Variants in GSE1 observed in about 807,000 individuals in gnomAD.
GSE1 encodes Gse1 coiled-coil protein.
GSE1 carries 32 observed loss-of-function variants against 112.6 expected under a neutral mutation model. The ratio of observed to expected loss-of-function variants is 0.28; its 90% CI spans 0.21 to 0.38. The LOEUF (loss-of-function observed/expected upper bound fraction) is 0.38. Among genes scored for constraint, GSE1 ranks in the 10% least tolerant of loss-of-function variants. The pLI, the probability that GSE1 is intolerant of heterozygous loss-of-function variation, is 1.00. For synonymous variants in GSE1, 1,115 were observed against 735.6 expected, an observed-to-expected ratio of 1.52 and a Z score of -8.35; for missense variants, 2,348 against 1,699.2, an observed-to-expected ratio of 1.38 and a Z score of -6.71.
At chr16:85,339,371 C>A (rs1258006977) in intron 1 of GSE1, among the ~76,000 whole-genome samples, 1 of 152,160 alleles carries the variant, frequency 6.6e-6, no homozygotes, top group Non-Finnish European at 1.5e-5. Context: ...GCCGTGATTT[C>A]TCCGGACAAA....
intron 2 of GSE1, among the ~76,000 whole-genome samples, chr16:85,462,660 C>CGGGGAGCGCGGGCG (rs2050000838): frequency 1.7e-5 from 1 of 59,472 alleles, no homozygotes; most frequent in Non-Finnish European, 3.2e-5. Flanking sequence ...GGAGGCTGCC[C>CGGGGAGCGCGGGCG]GGGGAGCGCG....
At chr16:85,445,662 A>C (rs1031639015) in intron 2 of GSE1, among the ~76,000 whole-genome samples, 4 of 152,156 alleles carry the variant, frequency 2.6e-5, no homozygotes, top group Non-Finnish European at 5.9e-5. Context: ...TGTTAACGAC[A>C]GATTTCTGCT....
At chr16:85,464,526 C>A (rs1234813938) in intron 2 of GSE1, among the ~76,000 whole-genome samples, 1 of 152,238 alleles carries the variant, frequency 6.6e-6, no homozygotes, top group African/African-American at 2.4e-5. Context: ...GACGGCCTCA[C>A]CAGCTGTGTG....
intron 1 of GSE1, among the ~76,000 whole-genome samples, chr16:85,348,530 C>T (rs926818344): frequency 7.9e-5 from 12 of 152,202 alleles, no homozygotes; most frequent in African/African-American, 2.9e-4. Context: ...TCCACTTGAT[C>T]TTGGCCACTG....
intron 1 of GSE1, among the ~76,000 whole-genome samples, chr16:85,232,238 C>A (rs937229689): frequency 6.6e-6 from 1 of 152,228 alleles, no homozygotes. Context: ...CAAAGAACAT[C>A]CAAAGAGAAG....
At chr16:85,478,571 G>A (rs2050536025) in intron 2 of GSE1, among the ~76,000 whole-genome samples, 3 of 151,460 alleles carry the variant, frequency 2.0e-5, no homozygotes, top group South Asian at 4.2e-4. Context: ...ACAGACCAGT[G>A]TGTCCATTCT....
At chr16:85,302,044 C>T (rs2966864) in intron 1 of GSE1, among the ~76,000 whole-genome samples, 1 of 152,126 alleles carries the variant, frequency 6.6e-6, no homozygotes, top group South Asian at 2.1e-4. Flanking sequence ...ACCTCCCTCC[C>T]CGGCTGAGCT....
chr16:85,289,302 C>T (rs927795069), intron 1 of GSE1, among the ~76,000 whole-genome samples: 5 of 152,220 alleles, frequency 3.3e-5, no homozygotes, highest in South Asian at 2.1e-4. Context: ...TTCCCAGGCC[C>T]GAGAGGCTGG....
chr16:85,219,514 T>C (rs1262242290), intron 1 of GSE1, among the ~76,000 whole-genome samples: 1 of 152,130 alleles, frequency 6.6e-6, no homozygotes, highest in South Asian at 2.1e-4. Flanking sequence ...CCAGCTGTCT[T>C]GGACCACCTT....
At chr16:85,359,190 G>C (rs2047013523) in intron 2 of GSE1, among the ~76,000 whole-genome samples, 1 of 152,222 alleles carries the variant, frequency 6.6e-6, no homozygotes, top group African/African-American at 2.4e-5. Context: ...GGGAGGCTCA[G>C]GCAGAGGAGG....
intron 2 of GSE1, among the ~76,000 whole-genome samples, chr16:85,437,601 C>T (rs962987413): frequency 2.6e-5 from 4 of 152,062 alleles, no homozygotes; most frequent in Admixed American, 6.6e-5. Context: ...GGATTGGGAT[C>T]GGAGACCAGG....
intron 1 of GSE1, among the ~76,000 whole-genome samples, chr16:85,621,957 T>G (rs2048769627): frequency 6.6e-6 from 1 of 152,110 alleles, no homozygotes; most frequent in South Asian, 2.1e-4. Flanking sequence ...TTGTTACCAG[T>G]CTTGGTGGCA....
chr16:85,416,578 G>A (rs924098542), intron 2 of GSE1, among the ~76,000 whole-genome samples: 1 of 152,208 alleles, frequency 6.6e-6, no homozygotes, highest in African/African-American at 2.4e-5. Context: ...GGCAACCTGT[G>A]GGGCCTGCCA....
At position 85,426,702 on chromosome 16, in the gene GSE1, G is replaced by GTGGATGGA. The variant is rs530312817; in HGVS notation, c.2464+69079_2464+69086dup. On this transcript the variant is annotated intron_variant, in intron 2 of 2. Coordinates refer to the GSE1 transcript ENST00000637419. ...GAAGGGAGGATGGGTAGATGGGTGG[G>GTGGATGGA]TGGATGGATGGATGGATGGATGGAT... Among the ~76,000 whole-genome samples, 105 of 148,742 alleles carry GTGGATGGA rather than the reference G, an allele frequency of 7.1e-4. No individual in the cohort carries two copies. In the Middle Eastern group the frequency reaches 0.01, roughly 15 times the overall value.
chr16:85,432,672 A>C (rs182082306), intron 2 of GSE1, among the ~76,000 whole-genome samples: 11 of 152,286 alleles, frequency 7.2e-5, no homozygotes, highest in Middle Eastern at 3.4e-3. Context: ...TAATGAAAAA[A>C]CAGGCATTCT....
At chr16:85,632,867 G>GTTGGTGGAAACA (rs2049658447) in intron 1 of GSE1, among the ~76,000 whole-genome samples, 1 of 152,232 alleles carries the variant, frequency 6.6e-6, no homozygotes, top group Non-Finnish European at 1.5e-5. Context: ...GGGGAGGGAT[G>GTTGGTGGAAACA]TTGGTGGAAA....
intron 1 of GSE1, among the ~76,000 whole-genome samples, chr16:85,338,895 G>A (rs1443493412): frequency 6.6e-6 from 1 of 152,232 alleles, no homozygotes; most frequent in Non-Finnish European, 1.5e-5. Context: ...ATACTGCTGA[G>A]GATGGAATGA....
chr16:85,175,634 C>G (rs946700131), intron 1 of GSE1, among the ~76,000 whole-genome samples: 1 of 152,196 alleles, frequency 6.6e-6, no homozygotes, highest in African/African-American at 2.4e-5. Context: ...TGCCTGCTGC[C>G]TTTCTGCTGG....
At chr16:85,658,120 T>A (rs1267648729) in intron 8 of GSE1, among the ~76,000 whole-genome samples, 1 of 152,250 alleles carries the variant, frequency 6.6e-6, no homozygotes, top group Non-Finnish European at 1.5e-5. Flanking sequence ...AACTGTGTGG[T>A]GGTCCCTTGG....
Sources: gnomAD v4.1 joint callset for allele counts (sites outside exome capture counted in the v4.1 genomes callset) on GRCh38, gnomAD v4.1.1 for gene constraint, MANE v1.5 for transcripts, NCBI Gene and HGNC (gene_info 2026-07-23, HGNC 2026-07-21) for gene names.